The following RBFOX1 variants were observed in gnomAD, a reference collection of about 807,000 sequenced individuals.
RBFOX1 encodes RNA binding protein fox-1 homolog 1.
RBFOX1 carries 8 observed loss-of-function variants against 57.7 expected under a neutral mutation model. The observed-to-expected ratio is 0.14, with a 90% CI of 0.08 to 0.25. RBFOX1 has a LOEUF of 0.25. Among genes scored for constraint, RBFOX1 ranks in the 10% least tolerant of loss-of-function variants. RBFOX1 has a pLI of 1.00. For missense variants in RBFOX1, 611 were observed against 548.5 expected, an observed-to-expected ratio of 1.11 and a Z score of -1.14; for synonymous variants, 326 against 222.4, an observed-to-expected ratio of 1.47 and a Z score of -4.15.
At chr16:5,328,374 T>A (rs1016451326) in intron 1 of RBFOX1, among the ~76,000 whole-genome samples, 1 of 152,072 alleles carries the variant, frequency 6.6e-6, no homozygotes. Context: ...TAGAAAAAAA[T>A]CAAATCTACC....
At chr16:7,366,200 C>T (rs1057378832) in intron 4 of RBFOX1, among the ~76,000 whole-genome samples, 2 of 152,198 alleles carry the variant, frequency 1.3e-5, no homozygotes, top group Non-Finnish European at 2.9e-5. Flanking sequence ...CAGGCTGCCA[C>T]CCCATTGGTG....
At chr16:6,837,891 C>T (rs796619755) in intron 3 of RBFOX1, among the ~76,000 whole-genome samples, 6 of 152,180 alleles carry the variant, frequency 3.9e-5, no homozygotes, top group African/African-American at 1.4e-4. Context: ...GCATGCCCAA[C>T]AGCAACAATG....
At chr16:6,260,843 T>C (rs532525141) in intron 1 of RBFOX1, among the ~76,000 whole-genome samples, 1 of 152,172 alleles carries the variant, frequency 6.6e-6, no homozygotes, top group East Asian at 1.9e-4. Flanking sequence ...ATTGTATGAC[T>C]TCCTTCCAGC....
intron 3 of RBFOX1, among the ~76,000 whole-genome samples, chr16:6,773,170 T>A (rs1457355116): frequency 3.9e-5 from 1 of 25,494 alleles, no homozygotes; most frequent in Non-Finnish European, 6.2e-5. Context: ...TGGGGTGCAT[T>A]TGTGTGTGTG....
rs190050187 is a variant in RBFOX1 at position 5,281,721 on chromosome 16, T to C, written c.219+41616T>C. Reference sequence around the variant, plus strand: ...TTACAGTTTTTGACTTAGTCTGTTTTATCTGATGTAAGTTTAACTACTCAT... The same window carrying C: ...TTACAGTTTTTGACTTAGTCTGTTTCATCTGATGTAAGTTTAACTACTCAT... On this transcript the variant is annotated intron_variant, in intron 1 of 2. Coordinates refer to the RBFOX1 transcript ENST00000585867. Among the ~76,000 whole-genome samples the C allele has an allele frequency of 3.0e-3, 457 of 152,354 alleles. 9 individuals carry two copies. In the South Asian group the frequency reaches 0.046, roughly 15 times the overall value.
At chr16:6,092,455 C>G (rs2096189023) in intron 1 of RBFOX1, 1 of 152,190 alleles carries the variant, frequency 6.6e-6, no homozygotes, top group African/African-American at 2.4e-5. Context: ...AAGGAAAGTT[C>G]TAATAAATTG....
chr16:5,615,539 C>T (rs1363553817), intron 3 of RBFOX1, among the ~76,000 whole-genome samples: 1 of 152,230 alleles, frequency 6.6e-6, no homozygotes, highest in Non-Finnish European at 1.5e-5. Context: ...GGTATTTTGA[C>T]AAGGCAGCTG....
chr16:5,586,423 A>C (rs1466483712), intron 2 of RBFOX1, among the ~76,000 whole-genome samples: 1 of 152,202 alleles, frequency 6.6e-6, no homozygotes, highest in East Asian at 1.9e-4. Context: ...TAAGAGCTTT[A>C]TATATGTTAT....
chr16:6,125,473 CA>C (rs1417072057), intron 1 of RBFOX1, among the ~76,000 whole-genome samples: 1 of 152,144 alleles, frequency 6.6e-6, no homozygotes, highest in East Asian at 1.9e-4. Flanking sequence ...GCCTCATACA[CA>C]TTTGCTCTTT....
chr16:5,259,189 C>CTT (rs79187730), intron 1 of RBFOX1, among the ~76,000 whole-genome samples: 1 of 145,690 alleles, frequency 6.9e-6, no homozygotes, highest in African/African-American at 2.5e-5. Flanking sequence ...CTTTTAGTGC[C>CTT]TTTTTTTTTT....
At chr16:6,344,407 C>CTTTTTTTTCTTT (rs1555635135) in intron 2 of RBFOX1, among the ~76,000 whole-genome samples, 1 of 109,846 alleles carries the variant, frequency 9.1e-6, no homozygotes, top group African/African-American at 4.4e-5. Context: ...TCTTTTTTTT[C>CTTTTTTTTCTTT]TTTTTTTTTT....
intron 3 of RBFOX1, among the ~76,000 whole-genome samples, chr16:6,922,302 C>T (rs368797421): frequency 2.0e-5 from 3 of 152,088 alleles, no homozygotes; most frequent in Non-Finnish European, 4.4e-5. Flanking sequence ...TTGGAAAGCA[C>T]TGGTTTTCAG....
At chr16:6,452,812 C>T (rs560677574) in intron 2 of RBFOX1, among the ~76,000 whole-genome samples, 1 of 152,234 alleles carries the variant, frequency 6.6e-6, no homozygotes, top group South Asian at 2.1e-4. Flanking sequence ...GTCTCAGTTG[C>T]CACATCCACA....
intron 3 of RBFOX1, among the ~76,000 whole-genome samples, chr16:5,841,287 C>G (rs888753421): frequency 1.3e-5 from 2 of 152,140 alleles, no homozygotes; most frequent in African/African-American, 2.4e-5. Flanking sequence ...AGCAGCAGAG[C>G]CAGGATTTGA....
intron 4 of RBFOX1, among the ~76,000 whole-genome samples, chr16:7,355,294 C>G (rs147626075): frequency 1.1e-4 from 16 of 152,192 alleles, no homozygotes; most frequent in Non-Finnish European, 2.1e-4. Flanking sequence ...CTGTCAAGGT[C>G]TCTGAGAAAT....
chr16:6,892,519 A>G (rs1347911367), intron 3 of RBFOX1, among the ~76,000 whole-genome samples: 3 of 152,074 alleles, frequency 2.0e-5, no homozygotes, highest in African/African-American at 7.2e-5. Context: ...AAAATACAAA[A>G]ATTAGCTGCG....
intron 1 of RBFOX1, among the ~76,000 whole-genome samples, chr16:6,161,154 C>T (rs13330506): frequency 0.05 from 7,673 of 152,120 alleles, 693 homozygotes; most frequent in African/African-American, 0.18. Context: ...TTGGGGAGGC[C>T]GAGGCGGGCA....
chr16:6,741,712 G>C (rs1252123993), intron 3 of RBFOX1, among the ~76,000 whole-genome samples: 1 of 151,756 alleles, frequency 6.6e-6, no homozygotes, highest in Non-Finnish European at 1.5e-5. Flanking sequence ...GAACAATCCT[G>C]TTAAGATATT....
At chr16:6,900,401 T>C (rs1465831539) in intron 3 of RBFOX1, among the ~76,000 whole-genome samples, 2 of 152,136 alleles carry the variant, frequency 1.3e-5, no homozygotes, top group African/African-American at 2.4e-5. Context: ...GGAAAAAGAT[T>C]TTGAAACATC....
Sources: allele counts gnomAD v4.1 joint callset (sites outside exome capture counted in the v4.1 genomes callset), GRCh38; gene constraint gnomAD v4.1.1; transcripts MANE v1.5; gene names NCBI Gene and HGNC (gene_info 2026-07-23, HGNC 2026-07-21).